FBXW7: variants seen among roughly 807,000 people sequenced by gnomAD.
FBXW7 encodes F-box/WD repeat-containing protein 7.
Under a neutral mutation model 86.3 loss-of-function variants are expected in FBXW7, and 11 were observed. The observed-to-expected ratio is 0.13, with a 90% CI of 0.08 to 0.21. The LOEUF is 0.21. FBXW7 is among the 10% of genes least tolerant of loss of function. FBXW7 has a pLI of 1.00. For missense variants in FBXW7, 488 were observed against 847.4 expected (o/e 0.58, Z 5.27); for synonymous variants, 313 against 297.9 (o/e 1.05, Z -0.52).
chr4:152,396,888 G>T (rs72721611), intron 4 of FBXW7, among the ~76,000 whole-genome samples: 419 of 151,970 alleles, frequency 2.8e-3, no homozygotes, highest in Non-Finnish European at 4.5e-3. Flanking sequence ...TAAAATAATT[G>T]TAAGTTCATC....
At chr4:152,456,334 A>G (rs1452090571) in intron 2 of FBXW7, among the ~76,000 whole-genome samples, 1 of 146,432 alleles carries the variant, frequency 6.8e-6, no homozygotes, top group African/African-American at 2.5e-5. Flanking sequence ...GGCAACAGTC[A>G]GGCCCTATCT....
intron 2 of FBXW7, among the ~76,000 whole-genome samples, chr4:152,513,731 C>A (rs994669740): frequency 6.6e-6 from 1 of 152,220 alleles, no homozygotes; most frequent in Non-Finnish European, 1.5e-5. Context: ...AATGTACTTA[C>A]CTTTATAAAA....
At chr4:152,473,820 T>A (rs1259098708) in intron 2 of FBXW7, among the ~76,000 whole-genome samples, 1 of 152,130 alleles carries the variant, frequency 6.6e-6, no homozygotes, top group East Asian at 1.9e-4. Flanking sequence ...AACTTGAGAC[T>A]TACAGTGATC....
intron 2 of FBXW7, among the ~76,000 whole-genome samples, chr4:152,446,620 ACTG>A (rs1470892284): frequency 1.3e-5 from 2 of 152,228 alleles, no homozygotes; most frequent in African/African-American, 4.8e-5. Flanking sequence ...AGGCAGCTCC[ACTG>A]AGGCTAGAAC....
intron 2 of FBXW7, among the ~76,000 whole-genome samples, chr4:152,482,254 A>G (rs1405093028): frequency 1.3e-5 from 2 of 152,234 alleles, no homozygotes; most frequent in Non-Finnish European, 2.9e-5. Context: ...GCAATAAAGT[A>G]TTTCTAAACT....
intron 11 of FBXW7, among the ~76,000 whole-genome samples, chr4:152,327,526 G>GC (rs1278720540): frequency 6.6e-6 from 1 of 151,978 alleles, no homozygotes; most frequent in Admixed American, 6.6e-5. Context: ...GGAGATAAAA[G>GC]CAACAGCAAA....
chr4:152,394,593 T>C (rs1247311739), intron 4 of FBXW7, among the ~76,000 whole-genome samples: 1 of 152,080 alleles, frequency 6.6e-6, no homozygotes, highest in Admixed American at 6.6e-5. Flanking sequence ...AAGAGCATCT[T>C]TGGAACTAAA....
chr4:152,326,182 T>A lies in FBXW7; in HGVS notation c.1468A>T (p.Thr490Ser), dbSNP rs1728994431. The A allele has an allele frequency of 6.2e-7, 1 of 1,613,084 alleles. No individual in the cohort carries two copies. The highest frequency in any genetic ancestry group is 1.3e-5 in the African/African-American group (1 of 74,790). The change falls in exon 12 of 14, where the codon ACA becomes TCA. Residue 490 changes from threonine to serine, a missense_variant. Thr to Ser is a moderately conservative substitution (Grantham distance 58, BLOSUM62 1). Transcript: ENST00000281708. ...DATLRVWDIE[T>S]GQCLHVLMGH... ...ATCAAAACATGTAAACACTGGCCTG[T>A]CTCAATATCCCAAACCCTAAGAGTG... is the stretch of plus-strand genomic sequence containing the variant.
At chr4:152,477,883 G>A (rs1021874833) in intron 2 of FBXW7, among the ~76,000 whole-genome samples, 5 of 152,070 alleles carry the variant, frequency 3.3e-5, no homozygotes, top group African/African-American at 1.2e-4. Flanking sequence ...AACATGATAT[G>A]AGAGTATTGA....
chr4:152,423,962 A>G (rs1370202452), intron 2 of FBXW7, among the ~76,000 whole-genome samples: 1 of 152,154 alleles, frequency 6.6e-6, no homozygotes, highest in Non-Finnish European at 1.5e-5. Context: ...AAAAGTGAAC[A>G]ATTATGGTTT....
At chr4:152,503,427 G>A (rs1747130605) in intron 2 of FBXW7, among the ~76,000 whole-genome samples, 2 of 152,004 alleles carry the variant, frequency 1.3e-5, no homozygotes, top group African/African-American at 2.4e-5. Context: ...ACACCACCAC[G>A]CCCGGCTAAT....
At chr4:152,426,820 G>GA (rs1270875453) in intron 2 of FBXW7, among the ~76,000 whole-genome samples, 1 of 152,206 alleles carries the variant, frequency 6.6e-6, no homozygotes, top group East Asian at 1.9e-4. Context: ...ACAGCAATGA[G>GA]AAACTGTGGG....
intron 4 of FBXW7, among the ~76,000 whole-genome samples, chr4:152,365,372 G>C (rs987929623): frequency 6.6e-6 from 1 of 152,186 alleles, no homozygotes; most frequent in Non-Finnish European, 1.5e-5. Flanking sequence ...CATTCAAAGT[G>C]TAATGCTGAA....
At chr4:152,340,496 G>A (rs1047526927) in intron 6 of FBXW7, among the ~76,000 whole-genome samples, 1 of 149,436 alleles carries the variant, frequency 6.7e-6, no homozygotes, top group African/African-American at 2.5e-5. Flanking sequence ...GGAGAATGGC[G>A]TGAACCCGGG....
intron 2 of FBXW7, among the ~76,000 whole-genome samples, chr4:152,489,724 C>A (rs1225350743): frequency 6.6e-6 from 1 of 152,010 alleles, no homozygotes; most frequent in African/African-American, 2.4e-5. Context: ...CCACTGTAAT[C>A]CTTACTGTGA....
intron 4 of FBXW7, among the ~76,000 whole-genome samples, chr4:152,360,330 A>T (rs1732816579): frequency 6.6e-6 from 1 of 152,184 alleles, no homozygotes; most frequent in Non-Finnish European, 1.5e-5. Context: ...GAAATCATAC[A>T]TACAAGCAAG....
chr4:152,332,252 G>A (rs899889390), intron 8 of FBXW7, among the ~76,000 whole-genome samples: 6 of 152,174 alleles, frequency 3.9e-5, no homozygotes, highest in African/African-American at 1.2e-4. Flanking sequence ...CTGGCTCATA[G>A]GAGGTGTTCA....
chr4:152,524,261 G>C (rs1749288578), intron 2 of FBXW7, among the ~76,000 whole-genome samples: 1 of 151,976 alleles, frequency 6.6e-6, no homozygotes, highest in African/African-American at 2.4e-5. Context: ...CTGGAACCTG[G>C]GTCTATCAAC....
At chr4:152,400,455 C>T (rs1305892186) in intron 4 of FBXW7, among the ~76,000 whole-genome samples, 1 of 152,100 alleles carries the variant, frequency 6.6e-6, no homozygotes, top group African/African-American at 2.4e-5. Context: ...AATCCTCCAA[C>T]CTCAGCCTCT....
Sources: gnomAD v4.1 joint callset for allele counts (sites outside exome capture counted in the v4.1 genomes callset) on GRCh38, gnomAD v4.1.1 for gene constraint, MANE v1.5 for transcripts, NCBI Gene and HGNC (gene_info 2026-07-23, HGNC 2026-07-21) for gene names.